The following CNTNAP5 variants were observed in gnomAD, a reference collection of about 807,000 sequenced individuals.
CNTNAP5 encodes contactin associated protein family member 5, also known as contactin-associated protein-like 5.
CNTNAP5 carries 72 observed loss-of-function variants against 150.2 expected under a neutral mutation model. That is an observed-to-expected ratio of 0.48 (90% CI 0.40 to 0.58). The LOEUF is 0.58. Ranked by LOEUF, CNTNAP5 falls within the 20% of genes least tolerant of loss-of-function variation. CNTNAP5 has a pLI of 0.00. For missense variants in CNTNAP5, 1,636 were observed against 1,626.2 expected (o/e 1.01, Z -0.10); for synonymous variants, 672 against 619.8 (o/e 1.08, Z -1.25).
chr2:124,289,517 A>G (rs1277438498), intron 3 of CNTNAP5, among the ~76,000 whole-genome samples: 4 of 152,214 alleles, frequency 2.6e-5, no homozygotes, highest in African/African-American at 7.2e-5. Context: ...ATAAAAGTCT[A>G]TTTCTTGAAG....
intron 3 of CNTNAP5, among the ~76,000 whole-genome samples, chr2:124,347,098 T>C (rs1027263136): frequency 4.0e-5 from 6 of 151,654 alleles, no homozygotes; most frequent in African/African-American, 1.5e-4. Flanking sequence ...AAAAAATAAA[T>C]AATTAATTAA....
At chr2:124,123,471 C>G (rs1415322268) in intron 1 of CNTNAP5, among the ~76,000 whole-genome samples, 1 of 152,176 alleles carries the variant, frequency 6.6e-6, no homozygotes, top group African/African-American at 2.4e-5. Context: ...GACTCCACCT[C>G]TGGGGACAGG....
At chr2:124,433,709 A>G (rs1031844331) in intron 4 of CNTNAP5, among the ~76,000 whole-genome samples, 3 of 152,178 alleles carry the variant, frequency 2.0e-5, no homozygotes, top group Non-Finnish European at 2.9e-5. Context: ...TAGAAAAAAA[A>G]ACCCGCAAAA....
chr2:124,093,309 G>C (rs1255270805), intron 1 of CNTNAP5, among the ~76,000 whole-genome samples: 1 of 152,198 alleles, frequency 6.6e-6, no homozygotes. Context: ...AGCTACCTGA[G>C]AGCTTGTGGT....
intron 13 of CNTNAP5, among the ~76,000 whole-genome samples, chr2:124,745,385 C>T (rs1325086921): frequency 6.6e-6 from 1 of 152,020 alleles, no homozygotes. Context: ...CATTCTTGGG[C>T]CCAAGGACAA....
In CNTNAP5 at chr2:124,385,146, G is replaced by A. The variant is rs144300006; in HGVS notation, c.382-32297G>A. On this transcript the variant is annotated intron_variant, in intron 3 of 23. Transcript: ENST00000682447. ...TCATTTGAACATGAATTAAAGGTAT[G>A]AATTTGGTTTGTATGTGGATGAGGA... is the stretch of plus-strand genomic sequence containing the variant. 2.0e-3 allele frequency among the ~76,000 whole-genome samples: 305 copies of A among 152,262 alleles called. 2 individuals are homozygous for A. The highest frequency in any genetic ancestry group is 3.2e-3 in the Non-Finnish European group (219 of 68,022).
chr2:124,791,630 A>G (rs1681730610), intron 18 of CNTNAP5, among the ~76,000 whole-genome samples: 1 of 150,276 alleles, frequency 6.7e-6, no homozygotes, highest in African/African-American at 2.5e-5. Context: ...ACCTCTCTGC[A>G]TTTCTCTGGG....
intron 6 of CNTNAP5, among the ~76,000 whole-genome samples, chr2:124,465,724 AAATATCTC>A (rs1358721825): frequency 6.6e-6 from 1 of 152,212 alleles, no homozygotes; most frequent in Non-Finnish European, 1.5e-5. Flanking sequence ...TAAGTAGGTG[AAATATCTC>A]AATGCAAAAG....
intron 7 of CNTNAP5, among the ~76,000 whole-genome samples, chr2:124,495,227 T>G (rs1219454358): frequency 6.6e-6 from 1 of 152,202 alleles, no homozygotes. Context: ...GACCCAGTTT[T>G]TTATTATTAT....
chr2:124,702,481 G>C (rs1246118542), intron 13 of CNTNAP5, among the ~76,000 whole-genome samples: 2 of 144,378 alleles, frequency 1.4e-5, no homozygotes, highest in African/African-American at 2.5e-5. Flanking sequence ...TAATCCTTTA[G>C]GGATGTGGAC....
chr2:124,846,820 A>C (rs1327848748), intron 19 of CNTNAP5, among the ~76,000 whole-genome samples: 3 of 152,142 alleles, frequency 2.0e-5, no homozygotes, highest in Non-Finnish European at 1.5e-5. Context: ...TGAGAGCCAA[A>C]CTGTAGTGGT....
chr2:124,213,031 G>T (rs1686059589), intron 1 of CNTNAP5, among the ~76,000 whole-genome samples: 1 of 151,696 alleles, frequency 6.6e-6, no homozygotes, highest in Non-Finnish European at 1.5e-5. Context: ...GTAGAGACCG[G>T]GTTTCACCGT....
chr2:124,066,779 A>G (rs943594335), intron 1 of CNTNAP5, among the ~76,000 whole-genome samples: 1 of 152,168 alleles, frequency 6.6e-6, no homozygotes, highest in Admixed American at 6.6e-5. Context: ...GAATGCCCCA[A>G]TCATATGCTT....
chr2:124,246,388 A>T (rs1458641619), intron 3 of CNTNAP5, among the ~76,000 whole-genome samples: 4 of 152,160 alleles, frequency 2.6e-5, no homozygotes, highest in African/African-American at 9.6e-5. Context: ...CACAAGCCAG[A>T]GTCCCTCGCT....
chr2:124,721,218 C>G (rs1680041450), intron 13 of CNTNAP5, among the ~76,000 whole-genome samples: 1 of 152,108 alleles, frequency 6.6e-6, no homozygotes, highest in South Asian at 2.1e-4. Flanking sequence ...GAGGCTTATG[C>G]CTGTAATCCC....
intron 13 of CNTNAP5, among the ~76,000 whole-genome samples, chr2:124,694,405 T>C (rs1036090182): frequency 6.6e-6 from 1 of 152,078 alleles, no homozygotes; most frequent in Non-Finnish European, 1.5e-5. Context: ...CTGCATAGAG[T>C]CAAATACTGA....
chr2:124,709,141 C>T (rs17393271), intron 13 of CNTNAP5, among the ~76,000 whole-genome samples: 24,721 of 151,910 alleles, frequency 0.16, 2,281 homozygotes, highest in East Asian at 0.24. Flanking sequence ...ATCTCTGCTG[C>T]AATCAGAACT....
At chr2:124,307,978 G>A (rs1395889519) in intron 3 of CNTNAP5, among the ~76,000 whole-genome samples, 15 of 152,272 alleles carry the variant, frequency 9.9e-5, no homozygotes, top group African/African-American at 3.6e-4. Flanking sequence ...TTTACAGTTA[G>A]AGAAACACCG....
intron 6 of CNTNAP5, among the ~76,000 whole-genome samples, chr2:124,463,570 T>C (rs940747231): frequency 6.6e-6 from 1 of 152,202 alleles, no homozygotes; most frequent in Non-Finnish European, 1.5e-5. Flanking sequence ...GTGCCCCACT[T>C]CTGCTTTTCA....
Sources: gnomAD v4.1 joint callset for allele counts (sites outside exome capture counted in the v4.1 genomes callset) on GRCh38, gnomAD v4.1.1 for gene constraint, MANE v1.5 for transcripts, NCBI Gene and HGNC (gene_info 2026-07-23, HGNC 2026-07-21) for gene names.